Variants in BCORL1 observed in about 807,000 individuals in gnomAD.
BCORL1 encodes BCL-6 corepressor-like protein 1.
BCORL1 carries 7 observed loss-of-function variants against 87.6 expected under a neutral mutation model. The observed-to-expected ratio is 0.08, with a 90% CI of 0.05 to 0.15. The LOEUF is 0.15. Ranked by LOEUF, BCORL1 falls within the 10% of genes least tolerant of loss-of-function variation. The probability of loss-of-function intolerance (pLI) is 1.00; values close to 1 mark genes in which losing one functional copy is unlikely to be tolerated. For missense variants in BCORL1, 1,215 were observed against 1,499.7 expected (o/e 0.81, Z 3.13); for synonymous variants, 591 against 634.4 (o/e 0.93, Z 1.03).
At chrX:129,997,975 T>C (rs746459861) in intron 1 of BCORL1, among the ~76,000 whole-genome samples, 3 of 100,852 alleles carry the variant, frequency 3.0e-5, no homozygotes, top group Admixed American at 1.1e-4. Context: ...GCCTCCTAAA[T>C]TGAAGTTTTA....
In BCORL1 at chrX:130,013,239, C is replaced by T. The variant is rs1397890186; in HGVS notation, c.467C>T (p.Pro156Leu). 8.3e-7 allele frequency: 1 copy of T among 1,210,340 alleles called. No individual in the cohort carries two copies. The highest frequency in any genetic ancestry group is 1.7e-5 in the African/African-American group (1 of 57,276). ...TQMSKQVDCSPAGVKALDSRQ... is the reference protein window; with the variant it reads ...TQMSKQVDCSLAGVKALDSRQ... ...ATGAGCAAACAGGTTGACTGCTCACCCGCCGGAGTAAAGGCTTTGGACTCT... is the reference window on the plus strand; with the variant it reads ...ATGAGCAAACAGGTTGACTGCTCACTCGCCGGAGTAAAGGCTTTGGACTCT... The change falls in exon 4 of 14, where the codon CCC becomes CTC. Residue 156 changes from proline to leucine, a missense_variant. Physicochemically the swap from Pro to Leu is moderately conservative, Grantham distance 98. Around this residue, in one of 5 missense-constraint regions of BCORL1, gnomAD observed 861 missense variants for 1,010.0 expected, o/e 0.85. Transcript: ENST00000540052.
intron 9 of BCORL1, 91 bp downstream of exon 9, chrX:130,034,767 C>G (rs1930836471): frequency 1.5e-6 from 1 of 668,613 alleles, no homozygotes; most frequent in South Asian, 2.6e-5. Flanking sequence ...TGCTTGAACC[C>G]AGGCTGGCCT....
intron 1 of BCORL1, among the ~76,000 whole-genome samples, chrX:130,003,374 C>CTTCTTTT (rs59660230): frequency 5.5e-5 from 5 of 91,497 alleles, no homozygotes; most frequent in African/African-American, 2.1e-4. Flanking sequence ...TCTTCTTCTT[C>CTTCTTTT]TTTTTTTTTT....
At chrX:130,033,658 A>G (rs1017459706) in intron 8 of BCORL1, among the ~76,000 whole-genome samples, 5 of 111,961 alleles carry the variant, frequency 4.5e-5, no homozygotes, top group Non-Finnish European at 9.4e-5. Context: ...GGTTTTTGCT[A>G]CAAGTGTGAA....
rs904331225 is a variant in BCORL1, at chrX:130,015,364, C to T, written c.2592C>T (p.Ser864=). ...AGGGGGCGCCCATCAGGCCCACCAG[C>T]GTTGTTTCGGAGTTTTCTGGTGTGC... ...PSQGAPIRPT[S]VVSEFSGVPS... is the part of the protein sequence containing the mutation. Residue 864 remains serine, a synonymous_variant, in exon 4 of 14, where the codon AGC becomes AGT. Coordinates refer to ENST00000540052, the MANE Select transcript of BCORL1 (RefSeq NM_001379451.1). 7.4e-6 allele frequency: 9 copies of T among 1,210,707 alleles called. 1 individual carries two copies. In the African/African-American group the frequency reaches 1.0e-4, roughly 14 times the overall value.
chrX:129,980,443 G>T (rs1184870656), upstream of BCORL1, among the ~76,000 whole-genome samples: 1 of 112,481 alleles, frequency 8.9e-6, no homozygotes, highest in Non-Finnish European at 1.9e-5. Context: ...GCCCTGCGGC[G>T]GGGGCGGGGG....
chrX:130,044,137 C>T lies in BCORL1; in HGVS notation c.4840+4855C>T, dbSNP rs189278136. On this transcript the variant is annotated intron_variant, in intron 11 of 13. Coordinates refer to ENST00000540052, the MANE Select transcript of BCORL1 (RefSeq NM_001379451.1). Reference sequence around the variant, plus strand: ...CCAGGATGGTCTTGATCTCTTGACTCTCGTGATCTACCCGCCTCAGCCTCC... The same window carrying T: ...CCAGGATGGTCTTGATCTCTTGACTTTCGTGATCTACCCGCCTCAGCCTCC... Among the ~76,000 whole-genome samples, 807 of 108,596 alleles carry T rather than the reference C, an allele frequency of 7.4e-3. 8 individuals carry two copies. Among genetic ancestry groups the T allele is most frequent in the African/African-American group, 0.026 (777 of 29,742 alleles). The allele number at this position is 108,596 out of a possible 115,157, so 94.3% of individuals were successfully genotyped here. A position where few individuals can be genotyped will look rare whatever the true frequency, so the allele number is the denominator to read the frequency against.
intron 8 of BCORL1, among the ~76,000 whole-genome samples, chrX:130,033,175 G>A (rs779960599): frequency 1.0e-4 from 11 of 106,768 alleles, no homozygotes; most frequent in South Asian, 4.2e-4. Flanking sequence ...TCCCCCTCCC[G>A]GGCTCAAGTG....
At position 130,012,973 on chromosome X, in the gene BCORL1, T is replaced by C. The variant is rs1929082043; in HGVS notation, c.201T>C (p.Ser67=). The change falls in exon 4 of 14, where the codon AGT becomes AGC. Residue 67 remains serine (S), a synonymous_variant. Coordinates refer to ENST00000540052, the MANE Select transcript of BCORL1 (RefSeq NM_001379451.1). ...AGGTGGAGCTCACGGCAGTTGGAAG[T>C]GGCAGCAATGCCCGGGGGGCAGACC... ...FSKVELTAVG[S]GSNARGADPD... is the part of the protein sequence containing the mutation. 8.3e-7 allele frequency: 1 copy of C among 1,197,897 alleles called. No individual in the cohort carries two copies. Among genetic ancestry groups the C allele is most frequent in the Non-Finnish European group, 1.1e-6 (1 of 885,715 alleles).
intron 7 of BCORL1, among the ~76,000 whole-genome samples, chrX:130,026,244 G>A (rs1450901596): frequency 1.8e-5 from 2 of 112,158 alleles, no homozygotes; most frequent in Non-Finnish European, 3.8e-5. Flanking sequence ...CTGAGCTGCC[G>A]GTAAACATCC....
intron 11 of BCORL1, among the ~76,000 whole-genome samples, chrX:130,045,316 T>C (rs1365603414): frequency 8.9e-6 from 1 of 112,372 alleles, no homozygotes; most frequent in Non-Finnish European, 1.9e-5. Flanking sequence ...TCAGAGGAAG[T>C]ATCAGGACAC....
chrX:130,044,732 C>T (rs148660726), intron 11 of BCORL1, among the ~76,000 whole-genome samples: 160 of 111,062 alleles, frequency 1.4e-3, no homozygotes, highest in African/African-American at 4.8e-3. Flanking sequence ...TGGTCTCTAA[C>T]TCCTGACCTC....
At chrX:129,983,819 C>T (rs1241684948) in intron 1 of BCORL1, among the ~76,000 whole-genome samples, 1 of 110,223 alleles carries the variant, frequency 9.1e-6, no homozygotes, top group Non-Finnish European at 1.9e-5. Context: ...TGCAAGCCCT[C>T]CACCCGCTTC....
At chrX:130,039,350 C>T in intron 11 of BCORL1, 68 bp downstream of exon 11, 1 of 1,136,158 alleles carries the variant, frequency 8.8e-7, no homozygotes, top group Non-Finnish European at 1.2e-6. Context: ...CTTGTGAGGA[C>T]ATCCTCTTCA....
chrX:130,043,746 TTATATATATATATATATATATA>T (rs55637661), intron 11 of BCORL1, among the ~76,000 whole-genome samples: 2 of 17,483 alleles, frequency 1.1e-4, no homozygotes, highest in African/African-American at 8.2e-4. Context: ...AGCTAATTTG[TTATATATATATATATATATATA>T]TATATATATA....
intron 10 of BCORL1, among the ~76,000 whole-genome samples, chrX:130,038,538 G>A (rs1156498216): frequency 6.5e-5 from 7 of 108,178 alleles, no homozygotes; most frequent in African/African-American, 2.4e-4. Flanking sequence ...CTGGTATGCA[G>A]TGGCACAATC....
intron 9 of BCORL1, among the ~76,000 whole-genome samples, chrX:130,035,408 G>A (rs1193735430): frequency 1.8e-5 from 2 of 112,316 alleles, no homozygotes; most frequent in Non-Finnish European, 3.8e-5. Flanking sequence ...CACCTTGGAC[G>A]TTTCCATTGT....
At chrX:130,054,484 A>G (rs1047569627) in intron 13 of BCORL1, among the ~76,000 whole-genome samples, 1 of 110,301 alleles carries the variant, frequency 9.1e-6, no homozygotes, top group African/African-American at 3.3e-5. Context: ...AAGTAGGGGG[A>G]GTCCTTTATC....
chrX:130,020,749 GA>G (rs778714263), intron 4 of BCORL1, among the ~76,000 whole-genome samples: 118 of 111,744 alleles, frequency 1.1e-3, no homozygotes, highest in Non-Finnish European at 1.3e-3. Context: ...AGACTCTGTA[GA>G]CCTCTTTAAA....
Sources: gnomAD v4.1 joint callset for allele counts (sites outside exome capture counted in the v4.1 genomes callset) on GRCh38, gnomAD v4.1.1 for gene constraint, gnomAD v4.1.1 regional missense constraint, MANE v1.5 for transcripts, NCBI Gene and HGNC (gene_info 2026-07-23, HGNC 2026-07-21) for gene names.